The following MCFD2 variants were observed in gnomAD, a reference collection of about 807,000 sequenced individuals.
The protein encoded by MCFD2 is multiple coagulation factor deficiency 2, ER cargo receptor complex subunit, also known as multiple coagulation factor deficiency protein 2.
A neutral mutation model predicts 12.8 loss-of-function variants in MCFD2; 11 were observed. The ratio of observed to expected loss-of-function variants is 0.86; its 90% CI spans 0.54 to 1.42. The LOEUF is 1.42. Ranked by LOEUF, MCFD2 falls within the 40% of genes most tolerant of loss-of-function variation. The pLI, the probability that MCFD2 is intolerant of heterozygous loss-of-function variation, is 0.00. For synonymous variants in MCFD2, 70 were observed against 68.1 expected, an observed-to-expected ratio of 1.03 and a Z score of -0.14; for missense variants, 191 against 178.6, an observed-to-expected ratio of 1.07 and a Z score of -0.40.
chr2:46,916,230 G>T, upstream of MCFD2: 1 of 894,210 alleles, frequency 1.1e-6, no homozygotes, highest in Non-Finnish European at 1.3e-6. Context: ...TAATAGGAAT[G>T]CTAATTCCTT....
chr2:46,927,450 G>A (rs573340694), intron 1 of MCFD2, among the ~76,000 whole-genome samples: 141 of 149,224 alleles, frequency 9.4e-4, no homozygotes, highest in Non-Finnish European at 1.4e-3. Flanking sequence ...TCCACCTCCC[G>A]GGTTCACACC....
intron 1 of MCFD2, among the ~76,000 whole-genome samples, chr2:46,939,580 G>A (rs1259652299): frequency 1.3e-5 from 2 of 152,156 alleles, no homozygotes; most frequent in African/African-American, 4.8e-5. Context: ...CTACAACCTG[G>A]GGGCAGGGCT....
At chr2:46,909,590 G>A (rs539816229) in intron 1 of MCFD2, among the ~76,000 whole-genome samples, 2 of 152,322 alleles carry the variant, frequency 1.3e-5, no homozygotes, top group Admixed American at 6.5e-5. Flanking sequence ...AATCTCCTCC[G>A]AGTGGAGGAA....
In MCFD2 at chr2:46,905,422, G is replaced by A. The variant is rs779558728; in HGVS notation, c.*41C>T. The A allele has an allele frequency of 2.6e-5, 42 of 1,607,458 alleles. No homozygotes were observed. Among genetic ancestry groups the A allele is most frequent in the Middle Eastern group, 2.2e-4 (1 of 4,456 alleles). Reference sequence around the variant, plus strand: ...CTAAAGTGTTCAATCACATTATCACGGGTCACATTTGTATATAACCAGGAG... The same window carrying A: ...CTAAAGTGTTCAATCACATTATCACAGGTCACATTTGTATATAACCAGGAG... On this transcript the variant is annotated 3_prime_UTR_variant, in exon 4 of 4. Coordinates refer to ENST00000319466, the MANE Select transcript of MCFD2 (RefSeq NM_139279.6).
At chr2:46,917,134 A>T, upstream of MCFD2, 1 of 699,048 alleles carries the variant, frequency 1.4e-6, no homozygotes, top group Middle Eastern at 3.6e-4. Context: ...CTGCCACCCC[A>T]TCCCAGAGAA....
In MCFD2 at chr2:46,905,402, G is replaced by C; in HGVS notation, c.*61C>G. The stretch of plus-strand genomic sequence containing the variant: ...AAATGAGTTATTTTGCATTACTAAA[G>C]TGTTCAATCACATTATCACGGGTCA... On this transcript the variant is annotated 3_prime_UTR_variant, in exon 4 of 4. Transcript: ENST00000319466. 1 of 1,583,962 alleles carries C rather than the reference G, an allele frequency of 6.3e-7. No individual in the cohort carries two copies. Among genetic ancestry groups the C allele is most frequent in the Non-Finnish European group, 8.7e-7 (1 of 1,154,914 alleles).
chr2:46,917,217 A>T (rs934412820), upstream of MCFD2: 2 of 695,120 alleles, frequency 2.9e-6, no homozygotes, highest in Non-Finnish European at 5.2e-6. Flanking sequence ...CTCGTCTCGA[A>T]CTCCTGGGTT....
intron 1 of MCFD2, among the ~76,000 whole-genome samples, chr2:46,921,733 C>T (rs1200697942): frequency 6.6e-6 from 1 of 152,150 alleles, no homozygotes; most frequent in Non-Finnish European, 1.5e-5. Flanking sequence ...ACAATGGTTT[C>T]AAAATGAAAC....
At chr2:46,915,616 C>CA in intron 1 of MCFD2, 107 bp downstream of exon 1, 1 of 279,774 alleles carries the variant, frequency 3.6e-6, no homozygotes, top group Non-Finnish European at 5.4e-6. Context: ...GGGGGCCCAG[C>CA]CCGCGCCCCC....
intron 1 of MCFD2, among the ~76,000 whole-genome samples, chr2:46,927,873 G>T (rs939507024): frequency 1.3e-4 from 18 of 135,962 alleles, no homozygotes; most frequent in Admixed American, 7.4e-5. Context: ...TAATATTGGG[G>T]TTTTTTTGGT....
intron 1 of MCFD2, among the ~76,000 whole-genome samples, chr2:46,909,511 G>T (rs1202522449): frequency 6.6e-6 from 1 of 152,206 alleles, no homozygotes; most frequent in Non-Finnish European, 1.5e-5. Context: ...AGAGCACCAG[G>T]AAAGGCAGCC....
chr2:46,936,575 T>A (rs1038079342), intron 1 of MCFD2, among the ~76,000 whole-genome samples: 2 of 152,164 alleles, frequency 1.3e-5, no homozygotes, highest in South Asian at 2.1e-4. Flanking sequence ...ATTCGCAGAC[T>A]CTCATGGTTC....
In MCFD2 at chr2:46,907,921, C is replaced by A. The variant is rs778684574; in HGVS notation, c.198G>T (p.Glu66Asp). Residue 66 changes from glutamate to aspartate, a missense_variant, in exon 3 of 4, where the codon GAG (glutamate) becomes GAT (aspartate). Physicochemically the swap from Glu to Asp is conservative, Grantham distance 45 (BLOSUM62 2). Transcript: ENST00000319466. The surrounding 1 kb of genome is among the most constrained non-coding windows in gnomAD (Gnocchi z 4.1). ...GGAGCTGCAATTCTTGTGGCGACAT[C>A]TCCGCCTCTGGTTTGTTGATGACAC... ...LEGVINKPEA[E>D]MSPQELQLHY... 6.2e-7 allele frequency: 1 copy of A among 1,614,238 alleles called. No homozygotes were observed. The highest frequency in any genetic ancestry group is 1.1e-5 in the South Asian group (1 of 91,086).
At chr2:46,909,971 G>A (rs1018338732) in intron 1 of MCFD2, among the ~76,000 whole-genome samples, 1 of 152,198 alleles carries the variant, frequency 6.6e-6, no homozygotes, top group Non-Finnish European at 1.5e-5. Flanking sequence ...AAGACTAGAG[G>A]CAGGAGCATG....
At position 46,908,879 on chromosome 2, in the gene MCFD2, A is replaced by G; in HGVS notation, c.149+144T>C. The G allele has an allele frequency of 9.1e-7, 1 of 1,100,290 alleles. No individual in the cohort carries two copies. Among genetic ancestry groups the G allele is most frequent in the Non-Finnish European group, 1.4e-6 (1 of 729,212 alleles). 68.2% of individuals were successfully genotyped at this position (1,100,290 alleles called of 1,614,324 possible). The stretch of plus-strand genomic sequence containing the variant: ...AAGAATACCTGACTTATAGGTGGCA[A>G]TAAGGAATAAGAATCATCCTTGAAG... On this transcript the variant is annotated intron_variant, in intron 2 of 3. Coordinates refer to ENST00000319466, the MANE Select transcript of MCFD2 (RefSeq NM_139279.6). This position sits in a 1 kb window ranked among gnomAD's most constrained non-coding sequence, Gnocchi z 4.5.
chr2:46,902,974 C>T lies in MCFD2; in HGVS notation c.*2489G>A, dbSNP rs1244508301. The T allele has an allele frequency of 6.6e-6, 1 of 152,192 alleles. No homozygotes were observed. 9.4% of individuals were successfully genotyped at this position (152,192 alleles called of 1,614,324 possible). A position where few individuals can be genotyped will look rare whatever the true frequency, so the allele number is the denominator to read the frequency against. On this transcript the variant is annotated 3_prime_UTR_variant, in exon 4 of 4. Coordinates refer to ENST00000319466, the MANE Select transcript of MCFD2 (RefSeq NM_139279.6). ...CAGTCAAGTTCCTGAGTACTCAGCT[C>T]CAATTATCTAATATTCTTGAAAGGA...
At chr2:46,912,384 T>C (rs1668523967) in intron 1 of MCFD2, among the ~76,000 whole-genome samples, 1 of 152,242 alleles carries the variant, frequency 6.6e-6, no homozygotes, top group Non-Finnish European at 1.5e-5. Flanking sequence ...CCACTGCCAC[T>C]GTACCTGGTA....
At chr2:46,931,787 C>A (rs1442697113) in intron 1 of MCFD2, among the ~76,000 whole-genome samples, 3 of 152,164 alleles carry the variant, frequency 2.0e-5, no homozygotes, top group African/African-American at 7.2e-5. Context: ...GCTCTGCCAA[C>A]ACCTTGATTT....
rs1481253232 is a variant in MCFD2, at chr2:46,902,010, C to T, written c.*3453G>A. On this transcript the variant is annotated 3_prime_UTR_variant, in exon 4 of 4. Transcript: ENST00000319466. ...TACTTGACACAGGAAACCATTTTTA[C>T]AAATACATATGTTTTCTTATAATAC... 4 of 152,638 alleles carry T rather than the reference C, an allele frequency of 2.6e-5. No individual in the cohort carries two copies. Among genetic ancestry groups the T allele is most frequent in the Non-Finnish European group, 5.9e-5 (4 of 68,034 alleles). The allele number at this position is 152,638 out of a possible 1,614,324, so 9.5% of individuals were successfully genotyped here.
Sources: allele counts gnomAD v4.1 joint callset (sites outside exome capture counted in the v4.1 genomes callset), GRCh38; gene constraint gnomAD v4.1.1; non-coding constraint Gnocchi (gnomAD v3.1); transcripts MANE v1.5; gene names NCBI Gene and HGNC (gene_info 2026-07-23, HGNC 2026-07-21).